The following LCOR variants were observed in gnomAD, a reference collection of about 807,000 sequenced individuals.
The protein encoded by LCOR is ligand-dependent corepressor.
A neutral mutation model predicts 64.4 loss-of-function variants in LCOR; 14 were observed. That is an observed-to-expected ratio of 0.22 (90% CI 0.14 to 0.34). The LOEUF (loss-of-function observed/expected upper bound fraction) is 0.34, where lower values mean the gene tolerates loss of function less well. Ranked by LOEUF, LCOR falls within the 10% of genes least tolerant of loss-of-function variation. The pLI is 1.00. For missense variants in LCOR, 1,686 were observed against 1,765.3 expected (o/e 0.96, Z 0.80); for synonymous variants, 643 against 642.5 (o/e 1.00, Z -0.01).
intron 7 of LCOR, chr10:96,957,374 T>G: frequency 1.0e-6 from 1 of 985,120 alleles, no homozygotes; most frequent in East Asian, 1.1e-4. Flanking sequence ...CTTTTAAAAT[T>G]ATAATAAGGG....
intron 2 of LCOR, among the ~76,000 whole-genome samples, chr10:96,872,679 A>G (rs774254650): frequency 8.5e-5 from 13 of 152,156 alleles, no homozygotes; most frequent in Non-Finnish European, 1.8e-4. Context: ...TCTTAAAACA[A>G]AACAAAAAAA....
At position 96,982,432 on chromosome 10, in the gene LCOR, G is replaced by A; in HGVS notation, c.1972G>A (p.Asp658Asn). The change falls in exon 8 of 8, where the codon GAT (aspartate) becomes AAT (asparagine). Residue 658 changes from aspartate (D) to asparagine (N), a missense_variant. By Grantham distance (23) the Asp-to-Asn change is conservative. Transcript: ENST00000421806. ...CAACCAACCACCAGTTGCACTGTTG[G>A]ATACGGAGGAGATGAGTGTACCCCA... ...EHNQPPVALL[D>N]TEEMSVPQDC... 6.2e-7 allele frequency: 1 copy of A among 1,614,156 alleles called. No homozygotes were observed. Among genetic ancestry groups the A allele is most frequent in the South Asian group, 1.1e-5 (1 of 91,080 alleles).
At chr10:96,837,678 A>G (rs1224106766) in intron 2 of LCOR, among the ~76,000 whole-genome samples, 3 of 152,218 alleles carry the variant, frequency 2.0e-5, no homozygotes, top group East Asian at 1.9e-4. Context: ...TTTTTGGAAT[A>G]CCTTTAGGAT....
At chr10:96,886,581 G>A (rs998673803) in intron 2 of LCOR, among the ~76,000 whole-genome samples, 2 of 152,166 alleles carry the variant, frequency 1.3e-5, no homozygotes, top group Non-Finnish European at 2.9e-5. Flanking sequence ...ATTCAGAGAA[G>A]AATATACACC....
At chr10:96,890,712 G>T (rs1165435262) in intron 2 of LCOR, among the ~76,000 whole-genome samples, 1 of 152,128 alleles carries the variant, frequency 6.6e-6, no homozygotes, top group Non-Finnish European at 1.5e-5. Context: ...TTATGAAAAA[G>T]CTCCTTTCTA....
rs575576893 is a variant in LCOR at position 96,850,261 on chromosome 10, A to G, written c.-330+16782A>G. Among the ~76,000 whole-genome samples, 4 of 152,278 alleles carry G rather than the reference A, an allele frequency of 2.6e-5. No individual in the cohort carries two copies. The South Asian group carries it at 6.2e-4, about 24-fold the overall frequency. On this transcript the variant is annotated intron_variant, in intron 2 of 7. Coordinates refer to ENST00000421806, the MANE Select transcript of LCOR (RefSeq NM_001346516.2). The stretch of plus-strand genomic sequence containing the variant: ...CTGGTATGCTTGTCATGAAGCGGAA[A>G]GATCAAGGCCGGGCGCAGTGGCTCA...
chr10:96,882,039 G>A (rs1327937069), intron 2 of LCOR, among the ~76,000 whole-genome samples: 1 of 152,090 alleles, frequency 6.6e-6, no homozygotes, highest in Non-Finnish European at 1.5e-5. Flanking sequence ...TCTCAGACTT[G>A]TTGGTCTCAG....
At position 96,993,473 on chromosome 10, in the gene LCOR, CTCG is replaced by C. The variant is rs1848218194; in HGVS notation, c.*8342_*8344del. ...TTTGCAGGAAGAAATAAATTTTGCT[CTCG>C]TCTAAATGTTCACAAGAAGTAATGT... On this transcript the variant is annotated 3_prime_UTR_variant, in exon 8 of 8. Transcript: ENST00000421806. 1 of 152,116 alleles carries C rather than the reference CTCG, an allele frequency of 6.6e-6. No homozygotes were observed. Among genetic ancestry groups the C allele is most frequent in the African/African-American group, 2.4e-5 (1 of 41,414 alleles). The allele number at this position is 152,116 out of a possible 1,614,324, so 9.4% of individuals were successfully genotyped here.
chr10:96,832,579 C>G (rs1012364620), intron 1 of LCOR, among the ~76,000 whole-genome samples, 180 bp downstream of exon 1: 4 of 145,018 alleles, frequency 2.8e-5, no homozygotes, highest in African/African-American at 7.5e-5. Context: ...CAGGCGGGCT[C>G]CCCTGCTCGG....
chr10:96,977,917 A>G (rs114716115), intron 7 of LCOR, among the ~76,000 whole-genome samples: 7,709 of 152,216 alleles, frequency 0.051, 662 homozygotes, highest in African/African-American at 0.17. Flanking sequence ...TAAACTTTGT[A>G]GGTTTTTCCT....
chr10:96,865,585 C>T (rs1247523246), intron 2 of LCOR, among the ~76,000 whole-genome samples: 1 of 151,846 alleles, frequency 6.6e-6, no homozygotes, highest in East Asian at 1.9e-4. Flanking sequence ...AGAAATAGAA[C>T]ACTTCTGAGC....
At chr10:96,968,478 T>C (rs1323837931) in intron 7 of LCOR, among the ~76,000 whole-genome samples, 1 of 152,210 alleles carries the variant, frequency 6.6e-6, no homozygotes, top group African/African-American at 2.4e-5. Context: ...AAATCTCTTT[T>C]GTGAAGTTAG....
rs577718089 is a variant in LCOR at position 96,883,097 on chromosome 10, C to A, written c.-329-24168C>A. ...TGTTGTTCAGGCTGGAGTGCAGTGGCACGATCTTGGCTCGCTGCAACCCTC... is the reference window on the plus strand; with the variant it reads ...TGTTGTTCAGGCTGGAGTGCAGTGGAACGATCTTGGCTCGCTGCAACCCTC... On this transcript the variant is annotated intron_variant, in intron 2 of 7. Coordinates refer to ENST00000421806, the MANE Select transcript of LCOR (RefSeq NM_001346516.2). Among the ~76,000 whole-genome samples the A allele has an allele frequency of 2.0e-5, 3 of 152,316 alleles. No individual in the cohort carries two copies. The East Asian group carries it at 5.8e-4, about 29-fold the overall frequency.
intron 2 of LCOR, among the ~76,000 whole-genome samples, chr10:96,880,251 T>C (rs1345297064): frequency 2.0e-5 from 3 of 152,240 alleles, no homozygotes; most frequent in African/African-American, 2.4e-5. Flanking sequence ...TTTGAAATAA[T>C]GTAACTTTGC....
chr10:96,977,048 T>C (rs971587798), intron 7 of LCOR, among the ~76,000 whole-genome samples: 1 of 150,438 alleles, frequency 6.6e-6, no homozygotes, highest in Non-Finnish European at 1.5e-5. Context: ...CTTTGATGCA[T>C]TGAAAAGGCA....
rs112470054 is a variant in LCOR at position 96,839,692 on chromosome 10, C to CT, written c.-330+6224dup. Among the ~76,000 whole-genome samples, 456 of 145,988 alleles carry CT rather than the reference C, an allele frequency of 3.1e-3. 1 individual carries two copies. Among genetic ancestry groups the CT allele is most frequent in the Admixed American group, 3.6e-3 (53 of 14,580 alleles). On this transcript the variant is annotated intron_variant, in intron 2 of 7. Transcript: ENST00000421806. The stretch of plus-strand genomic sequence containing the variant: ...AAGTTATACAATATATTTTTTCTTG[C>CT]TTTTTTTTTTTGAGACGAAGTCTGG...
intron 7 of LCOR, among the ~76,000 whole-genome samples, chr10:96,954,096 G>T (rs1174492232): frequency 4.6e-5 from 7 of 152,124 alleles, no homozygotes; most frequent in Non-Finnish European, 7.4e-5. Flanking sequence ...TTTTAAGCCA[G>T]AGAAAACTGC....
At position 96,985,304 on chromosome 10, in the gene LCOR, C is replaced by G; in HGVS notation, c.*170C>G. On this transcript the variant is annotated 3_prime_UTR_variant, in exon 8 of 8. Coordinates refer to ENST00000421806, the MANE Select transcript of LCOR (RefSeq NM_001346516.2). ...CATCTCAGATGGAGAAGGGAACTTG[C>G]AGAGTCCTTCTCTGAGGCTAAGGGA... 3.9e-6 allele frequency: 3 copies of G among 763,630 alleles called. No homozygotes were observed. The highest frequency in any genetic ancestry group is 5.8e-6 in the Non-Finnish European group (3 of 513,388). The allele number at this position is 763,630 out of a possible 1,614,324, so 47.3% of individuals were successfully genotyped here. A position where few individuals can be genotyped will look rare whatever the true frequency, so the allele number is the denominator to read the frequency against.
At chr10:96,966,280 G>A (rs1589688001) in intron 7 of LCOR, among the ~76,000 whole-genome samples, 1 of 132,942 alleles carries the variant, frequency 7.5e-6, no homozygotes, top group Admixed American at 8.3e-5. Context: ...CCAGGTTGGA[G>A]TGCAGTGGCG....
Sources: gnomAD v4.1 joint callset for allele counts (sites outside exome capture counted in the v4.1 genomes callset) on GRCh38, gnomAD v4.1.1 for gene constraint, MANE v1.5 for transcripts, NCBI Gene and HGNC (gene_info 2026-07-23, HGNC 2026-07-21) for gene names.